Variants in MSI2 observed in about 807,000 individuals in gnomAD.
MSI2 encodes musashi RNA binding protein 2.
MSI2 carries 17 observed loss-of-function variants against 45.6 expected under a neutral mutation model. The observed-to-expected ratio is 0.37, with a 90% CI of 0.26 to 0.56. The LOEUF (loss-of-function observed/expected upper bound fraction) is 0.56, where lower values mean the gene tolerates loss of function less well. Among genes scored for constraint, MSI2 ranks in the 20% least tolerant of loss-of-function variants. The probability of loss-of-function intolerance (pLI) is 0.77; values close to 1 mark genes in which losing one functional copy is unlikely to be tolerated. For missense variants in MSI2, 293 were observed against 444.2 expected (o/e 0.66, Z 3.06); for synonymous variants, 156 against 158.2 (o/e 0.99, Z 0.11).
intron 7 of MSI2, among the ~76,000 whole-genome samples, chr17:57,591,078 C>T (rs1005191129): frequency 6.6e-6 from 1 of 152,216 alleles, no homozygotes; most frequent in African/African-American, 2.4e-5. Context: ...GCCTGCATCT[C>T]TTACAGGTCC....
intron 5 of MSI2, among the ~76,000 whole-genome samples, chr17:57,287,821 T>C (rs1351071837): frequency 6.6e-6 from 1 of 152,122 alleles, no homozygotes; most frequent in African/African-American, 2.4e-5. Context: ...GGCAATGCCA[T>C]TGTGCGTAAG....
rs1905250043 is a variant in MSI2, at chr17:57,596,393, T to G, written c.455-475T>G. Among the ~76,000 whole-genome samples, 1 of 152,144 alleles carries G rather than the reference T, an allele frequency of 6.6e-6. No homozygotes were observed. Among genetic ancestry groups the G allele is most frequent in the Admixed American group, 6.5e-5 (1 of 15,280 alleles). Reference sequence around the variant, plus strand: ...ATAGTTTCTTCCAGGCCTCAGGATGTCCTGATGAGGTATTAGAGGAAGTAA... The same window carrying G: ...ATAGTTTCTTCCAGGCCTCAGGATGGCCTGATGAGGTATTAGAGGAAGTAA... On this transcript the variant is annotated intron_variant, in intron 7 of 13. Coordinates refer to ENST00000284073, the MANE Select transcript of MSI2 (RefSeq NM_138962.4). This position sits in a 1 kb window ranked among gnomAD's most constrained non-coding sequence, Gnocchi z 4.6.
At chr17:57,538,334 CCT>C (rs2086967462) in intron 7 of MSI2, among the ~76,000 whole-genome samples, 1 of 152,124 alleles carries the variant, frequency 6.6e-6, no homozygotes, top group Non-Finnish European at 1.5e-5. Flanking sequence ...TGGACTTCAG[CCT>C]CTGTTTTCAG....
At chr17:57,637,298 C>A (rs964369481) in intron 10 of MSI2, among the ~76,000 whole-genome samples, 1 of 152,222 alleles carries the variant, frequency 6.6e-6, no homozygotes, top group Non-Finnish European at 1.5e-5. Flanking sequence ...CCCAGACCGA[C>A]CGCGGCACGA....
At chr17:57,526,377 G>GTGTGTGTGTGTGTA (rs2086699706) in intron 6 of MSI2, among the ~76,000 whole-genome samples, 4 of 94,496 alleles carry the variant, frequency 4.2e-5, no homozygotes. Flanking sequence ...GTGTGTGTGT[G>GTGTGTGTGTGTGTA]TGTGTGTGTG....
intron 6 of MSI2, among the ~76,000 whole-genome samples, chr17:57,462,689 A>T (rs1216128673): frequency 1.3e-5 from 2 of 152,184 alleles, no homozygotes; most frequent in Non-Finnish European, 2.9e-5. Flanking sequence ...TTTCCTCCTC[A>T]AAGGCAATCC....
At chr17:57,279,042 G>T (rs1199359388) in intron 5 of MSI2, 1 of 152,144 alleles carries the variant, frequency 6.6e-6, no homozygotes, top group African/African-American at 2.4e-5. Context: ...GGTGTTCTAG[G>T]TGGGAAAAGC....
intron 11 of MSI2, among the ~76,000 whole-genome samples, chr17:57,654,762 C>T (rs1911461276): frequency 2.0e-5 from 3 of 152,154 alleles, no homozygotes; most frequent in African/African-American, 7.2e-5. Flanking sequence ...CTACCTTGAA[C>T]CTGGTACCAT....
At chr17:57,586,162 G>A (rs1487795924) in intron 7 of MSI2, among the ~76,000 whole-genome samples, 4 of 152,216 alleles carry the variant, frequency 2.6e-5, no homozygotes, top group African/African-American at 9.6e-5. Flanking sequence ...CACTGCTATA[G>A]AGCGCACTCG....
At chr17:57,640,121 G>A (rs1598482671) in intron 10 of MSI2, among the ~76,000 whole-genome samples, 1 of 152,144 alleles carries the variant, frequency 6.6e-6, no homozygotes, top group Non-Finnish European at 1.5e-5. Context: ...TGTTTCAAGG[G>A]CAGCACATCA....
In MSI2 at chr17:57,682,208, T is replaced by A. The variant is rs1453880417; in HGVS notation, c.*2691T>A. On this transcript the variant is annotated 3_prime_UTR_variant, in exon 14 of 14. Coordinates refer to ENST00000284073, the MANE Select transcript of MSI2 (RefSeq NM_138962.4). ...TTGGGGCAGTTTTTTCCTTTAATTA[T>A]TTTTTTCAATTTCAAGTTTAATTTT... 1 of 191,758 alleles carries A rather than the reference T, an allele frequency of 5.2e-6. No individual in the cohort carries two copies. The highest frequency in any genetic ancestry group is 2.3e-5 in the African/African-American group (1 of 42,956). 11.9% of individuals were successfully genotyped at this position (191,758 alleles called of 1,614,324 possible). A position where few individuals can be genotyped will look rare whatever the true frequency, so the allele number is the denominator to read the frequency against.
chr17:57,424,947 A>C (rs1297794188), intron 6 of MSI2, among the ~76,000 whole-genome samples: 1 of 151,902 alleles, frequency 6.6e-6, no homozygotes, highest in Non-Finnish European at 1.5e-5. Context: ...TTGCAATTTT[A>C]TGAGGTCCAA....
intron 6 of MSI2, chr17:57,448,989 A>C (rs999563751): frequency 1.3e-5 from 2 of 152,210 alleles, no homozygotes; most frequent in African/African-American, 4.8e-5. Context: ...TAAATGTTCA[A>C]ATGTTTAATA....
chr17:57,573,584 A>G (rs1598412219), intron 7 of MSI2, among the ~76,000 whole-genome samples: 1 of 152,206 alleles, frequency 6.6e-6, no homozygotes, highest in East Asian at 1.9e-4. Flanking sequence ...ATCAACCCCC[A>G]TCACTCCAGA....
chr17:57,598,137 C>T (rs920218243), intron 8 of MSI2, among the ~76,000 whole-genome samples: 5 of 152,204 alleles, frequency 3.3e-5, no homozygotes, highest in Admixed American at 1.3e-4. Context: ...TTTCTGGAAC[C>T]AGTCCTTTGG....
chr17:57,380,781 A>G (rs1376467611), intron 5 of MSI2, among the ~76,000 whole-genome samples: 2 of 152,198 alleles, frequency 1.3e-5, no homozygotes, highest in East Asian at 3.8e-4. Flanking sequence ...GTAGTTGGCT[A>G]GTCCTATACC....
rs62058062 is a variant in MSI2, at chr17:57,500,624, G to A, written c.406-29052G>A. The stretch of plus-strand genomic sequence containing the variant: ...CAGGCTTTACCCAGAGCACTGTCCT[G>A]TCTCTTCTGAAGGTCAGGGCACTCA... On this transcript the variant is annotated intron_variant, in intron 6 of 13. Coordinates refer to ENST00000284073, the MANE Select transcript of MSI2 (RefSeq NM_138962.4). 4.6e-3 allele frequency among the ~76,000 whole-genome samples: 703 copies of A among 151,826 alleles called. 3 individuals are homozygous for A. Among genetic ancestry groups the A allele is most frequent in the Middle Eastern group, 0.034 (10 of 294 alleles).
intron 7 of MSI2, among the ~76,000 whole-genome samples, chr17:57,541,621 T>A (rs550299994): frequency 6.6e-6 from 1 of 152,162 alleles, no homozygotes; most frequent in Non-Finnish European, 1.5e-5. Context: ...ATTAATGCAG[T>A]TGGGGGTCAA....
intron 5 of MSI2, chr17:57,267,760 C>A (rs537273365): frequency 1.3e-5 from 2 of 152,182 alleles, no homozygotes; most frequent in African/African-American, 4.8e-5. Flanking sequence ...ATACTCGGTG[C>A]TTCCTGATGT....
Sources: gnomAD v4.1 joint callset for allele counts (sites outside exome capture counted in the v4.1 genomes callset) on GRCh38, gnomAD v4.1.1 for gene constraint, Gnocchi (gnomAD v3.1) non-coding constraint, MANE v1.5 for transcripts, NCBI Gene and HGNC (gene_info 2026-07-23, HGNC 2026-07-21) for gene names.